The following LYPD6B variants were observed in gnomAD, a reference collection of about 807,000 sequenced individuals.
The protein encoded by LYPD6B is LY6/PLAUR domain containing 6B, also known as ly6/PLAUR domain-containing protein 6B.
A neutral mutation model predicts 22.8 loss-of-function variants in LYPD6B; 17 were observed. The ratio of observed to expected loss-of-function variants is 0.75; its 90% CI spans 0.51 to 1.12. The LOEUF is 1.12. LYPD6B is among the 50% of genes most tolerant of loss of function. The pLI is 0.00. For missense variants in LYPD6B, 221 were observed against 258.3 expected, an observed-to-expected ratio of 0.86 and a Z score of 0.99; for synonymous variants, 106 against 91.6, an observed-to-expected ratio of 1.16 and a Z score of -0.90.
intron 2 of LYPD6B, among the ~76,000 whole-genome samples, chr2:149,153,330 C>A (rs1423334919): frequency 6.6e-6 from 1 of 152,112 alleles, no homozygotes; most frequent in East Asian, 1.9e-4. Flanking sequence ...ATTTGGGACC[C>A]ATTCTAGTGG....
At chr2:149,097,864 A>G (rs1455757151) in intron 1 of LYPD6B, among the ~76,000 whole-genome samples, 1 of 152,186 alleles carries the variant, frequency 6.6e-6, no homozygotes, top group Middle Eastern at 3.2e-3. Context: ...AAACATCAAC[A>G]GATTTTTTTG....
chr2:149,173,447 C>A (rs1691009194), intron 3 of LYPD6B, among the ~76,000 whole-genome samples: 1 of 131,692 alleles, frequency 7.6e-6, no homozygotes, highest in African/African-American at 2.9e-5. Context: ...AAAATGTCTT[C>A]TTATCTTCAT....
Position 149,116,932 on chromosome 2 carries a change from CT to C in LYPD6B, c.-66-13950del, listed in dbSNP as rs773119651. ...ACATCAGAAGCTTCTAGTTTCCCCC[CT>C]ATCCTAGTAGCCACTGCTTGGTCTC... On this transcript the variant is annotated intron_variant, in intron 1 of 6. Coordinates refer to ENST00000409642, the MANE Select transcript of LYPD6B (RefSeq NM_177964.5). Among the ~76,000 whole-genome samples, 60 of 152,266 alleles carry C rather than the reference CT, an allele frequency of 3.9e-4. No homozygotes were observed. In the South Asian group the frequency reaches 4.3e-3, roughly 11 times the overall value.
intron 3 of LYPD6B, among the ~76,000 whole-genome samples, chr2:149,195,493 T>C (rs1022703631): frequency 1.3e-5 from 2 of 152,188 alleles, no homozygotes; most frequent in African/African-American, 4.8e-5. Context: ...ATCATATAGA[T>C]TTACCAGAAG....
chr2:149,171,677 G>A (rs1287829588), intron 3 of LYPD6B, among the ~76,000 whole-genome samples: 1 of 152,020 alleles, frequency 6.6e-6, no homozygotes, highest in Non-Finnish European at 1.5e-5. Flanking sequence ...GGCAGGGAAA[G>A]GTTTTGAATA....
chr2:149,142,861 A>G lies in LYPD6B; in HGVS notation c.5+11908A>G, dbSNP rs115935699. 8.7e-3 allele frequency among the ~76,000 whole-genome samples: 1,329 copies of G among 152,264 alleles called. 15 individuals carry two copies. The highest frequency in any genetic ancestry group is 0.031 in the African/African-American group (1,278 of 41,538). ...CGACTTTTTCCTTCTTCACCTGATT[A>G]CAAGCTACGTATCTTAATTGTATTC... On this transcript the variant is annotated intron_variant, in intron 2 of 6. Coordinates refer to ENST00000409642, the MANE Select transcript of LYPD6B (RefSeq NM_177964.5).
intron 3 of LYPD6B, among the ~76,000 whole-genome samples, chr2:149,177,127 T>G (rs777398721): frequency 1.3e-5 from 2 of 152,226 alleles, no homozygotes; most frequent in African/African-American, 2.4e-5. Context: ...GTCTGGGTTT[T>G]TAGATTGCAG....
chr2:149,056,023 A>C (rs1683771214), intron 1 of LYPD6B, among the ~76,000 whole-genome samples: 1 of 152,218 alleles, frequency 6.6e-6, no homozygotes, highest in South Asian at 2.1e-4. Flanking sequence ...TCTGAGTGAT[A>C]GAGCAGGAGG....
intron 5 of LYPD6B, 53 bp from the exon 6 acceptor site, chr2:149,212,939 G>T (rs1278599715): frequency 9.6e-6 from 15 of 1,568,274 alleles, no homozygotes; most frequent in South Asian, 1.1e-5. Flanking sequence ...TTGTAATATG[G>T]ATATTGAAAT....
chr2:149,121,090 CAA>C (rs1347473541), intron 1 of LYPD6B, among the ~76,000 whole-genome samples: 7 of 152,108 alleles, frequency 4.6e-5, no homozygotes, highest in African/African-American at 1.4e-4. Flanking sequence ...CCCCGCCTGG[CAA>C]AGTCTTAATG....
intron 2 of LYPD6B, chr2:149,131,526 AAG>A (rs1196369438): frequency 6.6e-6 from 1 of 152,154 alleles, no homozygotes; most frequent in Admixed American, 6.6e-5. Flanking sequence ...GGAAAGAGGA[AAG>A]AGAGAATTGT....
chr2:149,148,555 A>G (rs1689174952), intron 2 of LYPD6B, among the ~76,000 whole-genome samples: 1 of 152,232 alleles, frequency 6.6e-6, no homozygotes, highest in Non-Finnish European at 1.5e-5. Context: ...AGGGATGTCC[A>G]GGCTCATACA....
chr2:149,208,211 A>C, intron 4 of LYPD6B, 103 bp from the exon 5 acceptor site: 1 of 732,110 alleles, frequency 1.4e-6, no homozygotes, highest in Non-Finnish European at 2.4e-6. Context: ...AAAGCTTATA[A>C]GTTTTGTTTC....
rs1191730619 is a variant in LYPD6B, at chr2:149,080,873, CA to C, written c.-67+42079del. Among the ~76,000 whole-genome samples the C allele has an allele frequency of 2.6e-4, 28 of 108,828 alleles. 1 individual carries two copies. The highest frequency in any genetic ancestry group is 1.1e-3 in the African/African-American group (27 of 25,498). 71.4% of individuals were successfully genotyped at this position (108,828 alleles called of 152,430 possible). A position where few individuals can be genotyped will look rare whatever the true frequency, so the allele number is the denominator to read the frequency against. On this transcript the variant is annotated intron_variant, in intron 1 of 6. Transcript: ENST00000409642. ...AAAAAAAAAAAAAAAAAAAACCACA[CA>C]AAAAAATTCAGTATATTAGGCAATG...
At chr2:149,090,314 T>G (rs1685591425) in intron 1 of LYPD6B, among the ~76,000 whole-genome samples, 1 of 152,212 alleles carries the variant, frequency 6.6e-6, no homozygotes, top group Admixed American at 6.5e-5. Context: ...GTGGACTGAT[T>G]TTCCAAGAAT....
chr2:149,165,319 TC>T (rs1427943448), intron 3 of LYPD6B, among the ~76,000 whole-genome samples: 4 of 152,212 alleles, frequency 2.6e-5, no homozygotes, highest in Non-Finnish European at 4.4e-5. Flanking sequence ...GGAAATAGAC[TC>T]CACCTCTAAC....
intron 1 of LYPD6B, among the ~76,000 whole-genome samples, chr2:149,118,708 T>C (rs1411862494): frequency 2.0e-5 from 3 of 152,226 alleles, no homozygotes; most frequent in African/African-American, 7.2e-5. Context: ...ATATGTTACT[T>C]AGCTCTTCCA....
chr2:149,214,394 A>G (rs998514512), intron 6 of LYPD6B, among the ~76,000 whole-genome samples, 152 bp from the exon 7 acceptor site: 5 of 152,144 alleles, frequency 3.3e-5, no homozygotes, highest in Admixed American at 6.5e-5. Flanking sequence ...GGGGAAGGGT[A>G]CCCAAGAGCC....
chr2:149,061,702 G>T (rs1037430470), intron 1 of LYPD6B, among the ~76,000 whole-genome samples: 11 of 152,048 alleles, frequency 7.2e-5, no homozygotes, highest in African/African-American at 2.2e-4. Context: ...CTTTTCCCTG[G>T]ATTCCTTATG....
Sources: gnomAD v4.1 joint callset for allele counts (sites outside exome capture counted in the v4.1 genomes callset) on GRCh38, gnomAD v4.1.1 for gene constraint, MANE v1.5 for transcripts, NCBI Gene and HGNC (gene_info 2026-07-23, HGNC 2026-07-21) for gene names.